The following AOPEP variants were observed in gnomAD, a reference collection of about 807,000 sequenced individuals.
AOPEP encodes aminopeptidase O (putative).
AOPEP carries 77 observed loss-of-function variants against 98.1 expected under a neutral mutation model. The observed-to-expected ratio is 0.78, with a 90% CI of 0.65 to 0.95. The LOEUF (loss-of-function observed/expected upper bound fraction) is 0.95, where lower values mean the gene tolerates loss of function less well. AOPEP is among the 40% of genes least tolerant of loss of function. The probability of loss-of-function intolerance (pLI) is 0.00; values close to 1 mark genes in which losing one functional copy is unlikely to be tolerated. For synonymous variants in AOPEP, 346 were observed against 365.3 expected (o/e 0.95, Z 0.60); for missense variants, 1,024 against 1,024.7 (o/e 1.00, Z 0.01).
At chr9:94,793,317 C>T (rs1846158411) in intron 4 of AOPEP, among the ~76,000 whole-genome samples, 1 of 151,776 alleles carries the variant, frequency 6.6e-6, no homozygotes. Flanking sequence ...CACTGCACTC[C>T]ACCCTGGTGA....
intron 14 of AOPEP, among the ~76,000 whole-genome samples, chr9:95,062,260 AG>A (rs3837274): frequency 0.78 from 119,357 of 152,098 alleles, 48,338 homozygotes; most frequent in Non-Finnish European, 0.89. Flanking sequence ...GCAGATCTCT[AG>A]TACAGCGCAG....
At chr9:94,889,734 G>A (rs1248037560) in intron 5 of AOPEP, among the ~76,000 whole-genome samples, 1 of 152,204 alleles carries the variant, frequency 6.6e-6, no homozygotes, top group African/African-American at 2.4e-5. Flanking sequence ...GGGTCATATG[G>A]TAAGCCCCTT....
chr9:95,042,330 A>G (rs1371435566), intron 13 of AOPEP, among the ~76,000 whole-genome samples: 4 of 151,508 alleles, frequency 2.6e-5, no homozygotes, highest in South Asian at 4.2e-4. Flanking sequence ...ATAAATAAAT[A>G]AATAAATAAA....
chr9:94,941,813 G>T (rs550332088), intron 7 of AOPEP, among the ~76,000 whole-genome samples: 116 of 152,224 alleles, frequency 7.6e-4, no homozygotes, highest in Non-Finnish European at 1.4e-3. Flanking sequence ...ATAACATCTA[G>T]TAGGGTCCTT....
intron 5 of AOPEP, among the ~76,000 whole-genome samples, chr9:94,806,764 C>T (rs1255610957): frequency 6.6e-6 from 1 of 152,174 alleles, no homozygotes; most frequent in African/African-American, 2.4e-5. Context: ...ACCCTGAAAG[C>T]CCTTGGCCAG....
At chr9:94,806,239 T>C (rs1849237027) in intron 5 of AOPEP, among the ~76,000 whole-genome samples, 1 of 152,190 alleles carries the variant, frequency 6.6e-6, no homozygotes, top group Non-Finnish European at 1.5e-5. Context: ...TATTTTTGTT[T>C]TGTGTGTGGG....
chr9:94,999,231 A>G (rs10993449), intron 11 of AOPEP, among the ~76,000 whole-genome samples: 29,587 of 152,084 alleles, frequency 0.19, 6,710 homozygotes, highest in African/African-American at 0.55. Flanking sequence ...TCCAAAACAG[A>G]TAAATATAAC....
At chr9:94,792,728 A>G (rs189148942) in intron 3 of AOPEP, 37 bp from the exon 4 acceptor site, 7 of 1,545,036 alleles carry the variant, frequency 4.5e-6, no homozygotes, top group Admixed American at 3.8e-5. Context: ...AGGATCATAT[A>G]TTGGCCTCAT....
At chr9:95,052,717 A>G (rs1372945625) in intron 13 of AOPEP, among the ~76,000 whole-genome samples, 1 of 152,220 alleles carries the variant, frequency 6.6e-6, no homozygotes, top group Non-Finnish European at 1.5e-5. Context: ...TAATATAGGA[A>G]GTTATAGAAA....
intron 13 of AOPEP, chr9:95,006,170 T>A (rs1418743925): frequency 2.2e-6 from 1 of 455,804 alleles, no homozygotes; most frequent in South Asian, 1.6e-5. Context: ...TGTCTTTTGA[T>A]TTTGTATTAA....
At chr9:94,731,613 C>T (rs1830557008) in intron 1 of AOPEP, among the ~76,000 whole-genome samples, 1 of 151,902 alleles carries the variant, frequency 6.6e-6, no homozygotes, top group Admixed American at 6.6e-5. Context: ...GCTAGGCCTC[C>T]AAAAAGCCCT....
At chr9:95,003,873 CTTGTTGT>C (rs1446052280) in intron 11 of AOPEP, 2 of 155,782 alleles carry the variant, frequency 1.3e-5, no homozygotes, top group African/African-American at 2.4e-5. Flanking sequence ...TTTGAGCAGA[CTTGTTGT>C]TTGTTTTAGG....
At position 94,961,840 on chromosome 9, in the gene AOPEP, G is replaced by A. The variant is rs566108918; in HGVS notation, c.1872+5825G>A. Among the ~76,000 whole-genome samples the A allele has an allele frequency of 5.3e-5, 8 of 152,036 alleles. No individual in the cohort carries two copies. In the East Asian group the frequency reaches 1.5e-3, roughly 29 times the overall value. ...CTTTCTTTCTATGTGAGTTGTTGTT[G>A]TGTTAGTTTGCATGGTTGCCATACG... On this transcript the variant is annotated intron_variant, in intron 9 of 16. Coordinates refer to ENST00000375315, the MANE Select transcript of AOPEP (RefSeq NM_001193329.3).
At chr9:94,884,799 C>T (rs1195269193) in intron 5 of AOPEP, among the ~76,000 whole-genome samples, 2 of 151,270 alleles carry the variant, frequency 1.3e-5, no homozygotes, top group Admixed American at 1.3e-4. Flanking sequence ...ATCACGAGGT[C>T]AGGAGATCGA....
chr9:94,793,241 G>A (rs767107330), intron 4 of AOPEP, among the ~76,000 whole-genome samples: 3 of 152,020 alleles, frequency 2.0e-5, no homozygotes, highest in Admixed American at 6.5e-5. Flanking sequence ...CCAGCGACTC[G>A]GGAGGCTGAG....
chr9:94,760,622 T>C, intron 2 of AOPEP, 42 bp downstream of exon 2: 1 of 1,464,902 alleles, frequency 6.8e-7, no homozygotes, highest in Non-Finnish European at 9.2e-7. Flanking sequence ...CCTGTTAATC[T>C]TGTACGCTGC....
chr9:94,895,665 T>G (rs982863827), intron 5 of AOPEP, among the ~76,000 whole-genome samples: 1 of 152,050 alleles, frequency 6.6e-6, no homozygotes, highest in Non-Finnish European at 1.5e-5. Flanking sequence ...CTCAGCTCAC[T>G]GCAGCCTCCG....
At chr9:95,022,903 A>G (rs999979041) in intron 13 of AOPEP, among the ~76,000 whole-genome samples, 2 of 152,118 alleles carry the variant, frequency 1.3e-5, no homozygotes, top group African/African-American at 4.8e-5. Context: ...GCTGTAGCTG[A>G]TGCTGTGGGT....
the AOPEP span, among the ~76,000 whole-genome samples, chr9:95,144,274 G>A: frequency 6.6e-6 from 1 of 152,234 alleles, no homozygotes; most frequent in East Asian, 1.9e-4. Context: ...TGGGGAACTT[G>A]CTGAGCTGAA....
Sources: gnomAD v4.1 joint callset for allele counts (sites outside exome capture counted in the v4.1 genomes callset) on GRCh38, gnomAD v4.1.1 for gene constraint, MANE v1.5 for transcripts, NCBI Gene and HGNC (gene_info 2026-07-23, HGNC 2026-07-21) for gene names.